Variants in BBX observed in about 807,000 individuals in gnomAD.
BBX encodes the protein BBX high mobility group box domain containing, also known as HMG box transcription factor BBX.
In BBX, 30 loss-of-function variants were observed where a neutral mutation model predicts 100.2. The ratio of observed to expected loss-of-function variants is 0.30; its 90% CI spans 0.22 to 0.41. The LOEUF is 0.41. BBX is among the 10% of genes least tolerant of loss of function. The probability of loss-of-function intolerance (pLI) is 1.00; values close to 1 mark genes in which losing one functional copy is unlikely to be tolerated. For synonymous variants in BBX, 376 were observed against 388.1 expected (o/e 0.97, Z 0.37); for missense variants, 1,023 against 1,129.8 (o/e 0.91, Z 1.35).
chr3:107,672,584 A>G (rs746668273), intron 3 of BBX, among the ~76,000 whole-genome samples: 4 of 152,102 alleles, frequency 2.6e-5, no homozygotes, highest in Non-Finnish European at 5.9e-5. Context: ...GGAATGGTAA[A>G]AGAAAGCAAC....
At chr3:107,683,578 C>T (rs2059681783) in intron 3 of BBX, among the ~76,000 whole-genome samples, 1 of 152,142 alleles carries the variant, frequency 6.6e-6, no homozygotes, top group South Asian at 2.1e-4. Context: ...AACTTTGCTG[C>T]AGATGCTCTT....
intron 3 of BBX, among the ~76,000 whole-genome samples, chr3:107,666,694 C>T (rs1287672564): frequency 6.6e-6 from 1 of 152,174 alleles, no homozygotes; most frequent in African/African-American, 2.4e-5. Flanking sequence ...GCCTCAGCCT[C>T]CTGAGTAGCT....
chr3:107,764,173 G>A (rs1490617385), intron 10 of BBX, among the ~76,000 whole-genome samples: 1 of 152,086 alleles, frequency 6.6e-6, no homozygotes, highest in Non-Finnish European at 1.5e-5. Flanking sequence ...TGTGTTTCCA[G>A]TAGAGACAGG....
chr3:107,803,958 T>TG (rs994321795), intron 17 of BBX, among the ~76,000 whole-genome samples: 13 of 151,582 alleles, frequency 8.6e-5, no homozygotes, highest in African/African-American at 2.2e-4. Flanking sequence ...TTTTTGTTTT[T>TG]TTTTTTCCTT....
intron 2 of BBX, among the ~76,000 whole-genome samples, chr3:107,584,910 G>A (rs1489410864): frequency 6.6e-6 from 1 of 151,840 alleles, no homozygotes; most frequent in Admixed American, 6.6e-5. Flanking sequence ...TCGAACTCCT[G>A]ACCTCAGATG....
At chr3:107,669,433 C>G (rs889992012) in intron 3 of BBX, among the ~76,000 whole-genome samples, 3 of 151,848 alleles carry the variant, frequency 2.0e-5, no homozygotes, top group Admixed American at 1.3e-4. Context: ...AGTTTGAGGC[C>G]AGGTTTTGAA....
chr3:107,588,960 A>G (rs9823983), intron 2 of BBX, among the ~76,000 whole-genome samples: 19,102 of 152,240 alleles, frequency 0.13, 1,440 homozygotes, highest in Middle Eastern at 0.19. Context: ...CAAGTTAGGT[A>G]AGAAATACCA....
chr3:107,715,454 C>G (rs2062037619), intron 4 of BBX, among the ~76,000 whole-genome samples: 1 of 152,178 alleles, frequency 6.6e-6, no homozygotes, highest in Non-Finnish European at 1.5e-5. Context: ...CTTCTGGTCC[C>G]AAGCATTTTA....
At chr3:107,743,680 T>C (rs1231728519) in intron 7 of BBX, among the ~76,000 whole-genome samples, 1 of 152,204 alleles carries the variant, frequency 6.6e-6, no homozygotes, top group African/African-American at 2.4e-5. Flanking sequence ...AGTAGCTCTT[T>C]CCATAGGATT....
intron 2 of BBX, among the ~76,000 whole-genome samples, chr3:107,635,499 A>C (rs537763592): frequency 1.1e-4 from 16 of 152,332 alleles, no homozygotes; most frequent in African/African-American, 3.8e-4. Context: ...ATTTGTGTTG[A>C]AACCTGAAAC....
chr3:107,577,235 T>G (rs570739173), intron 2 of BBX, among the ~76,000 whole-genome samples: 4 of 152,300 alleles, frequency 2.6e-5, no homozygotes, highest in African/African-American at 7.2e-5. Context: ...ATTAAAACAC[T>G]GAAATGGATC....
At chr3:107,658,396 T>C (rs966740878) in intron 3 of BBX, among the ~76,000 whole-genome samples, 2 of 152,178 alleles carry the variant, frequency 1.3e-5, no homozygotes, top group Non-Finnish European at 2.9e-5. Flanking sequence ...TTCAAATGCC[T>C]TACTCATAAG....
chr3:107,769,183 TAG>T (rs1318413002), intron 10 of BBX, among the ~76,000 whole-genome samples: 1 of 82,754 alleles, frequency 1.2e-5, no homozygotes, highest in African/African-American at 3.5e-5. Flanking sequence ...GATAGATAGA[TAG>T]ATAGATAGAT....
chr3:107,757,936 C>T (rs1407425719), intron 10 of BBX, among the ~76,000 whole-genome samples: 1 of 152,204 alleles, frequency 6.6e-6, no homozygotes, highest in Admixed American at 6.5e-5. Flanking sequence ...ATTTGGGCCA[C>T]ACCCATCTCG....
intron 3 of BBX, among the ~76,000 whole-genome samples, chr3:107,702,495 A>G (rs80192265): frequency 0.01 from 1,548 of 152,326 alleles, 18 homozygotes; most frequent in African/African-American, 0.035. Flanking sequence ...AGAAACGCAT[A>G]ATAAGAAAAC....
At chr3:107,545,747 C>T (rs2049187064) in intron 2 of BBX, among the ~76,000 whole-genome samples, 1 of 152,118 alleles carries the variant, frequency 6.6e-6, no homozygotes, top group Non-Finnish European at 1.5e-5. Context: ...CTGTCTGTGT[C>T]TTGGGTAGTT....
rs530068850 is a variant in BBX, at chr3:107,556,736, G to A, written c.-84+30338G>A. On this transcript the variant is annotated intron_variant, in intron 2 of 17. Transcript: ENST00000325805. ...AGATGTTGGGAAACTTTCAGGAACC[G>A]AGCATTTTTGGATAGATTCTGGAGC... Among the ~76,000 whole-genome samples the A allele has an allele frequency of 9.0e-4, 137 of 152,266 alleles. 1 individual carries two copies. The highest frequency in any genetic ancestry group is 3.0e-3 in the African/African-American group (125 of 41,546).
chr3:107,662,518 G>A (rs1022796227), intron 3 of BBX: 1 of 152,076 alleles, frequency 6.6e-6, no homozygotes, highest in Non-Finnish European at 1.5e-5. Context: ...AGTGTAAATT[G>A]TGATTATATG....
intron 13 of BBX, among the ~76,000 whole-genome samples, chr3:107,781,008 C>T (rs2067827926): frequency 6.6e-6 from 1 of 152,076 alleles, no homozygotes; most frequent in Non-Finnish European, 1.5e-5. Context: ...CATTTGTCAT[C>T]ATTCAATATT....
Sources: gnomAD v4.1 joint callset for allele counts (sites outside exome capture counted in the v4.1 genomes callset) on GRCh38, gnomAD v4.1.1 for gene constraint, MANE v1.5 for transcripts, NCBI Gene and HGNC (gene_info 2026-07-23, HGNC 2026-07-21) for gene names.